Variants in COX18 observed in about 807,000 individuals in gnomAD.
COX18 encodes cytochrome c oxidase assembly factor COX18, also known as cytochrome c oxidase assembly protein COX18, mitochondrial.
Under a neutral mutation model 38.0 loss-of-function variants are expected in COX18, and 45 were observed. The observed-to-expected ratio is 1.18, with a 90% confidence interval of 0.93 to 1.52. The LOEUF (loss-of-function observed/expected upper bound fraction) is 1.52, where lower values mean the gene tolerates loss of function less well. Among genes scored for constraint, COX18 ranks in the 40% most tolerant of loss-of-function variants. COX18 has a pLI of 0.00. For synonymous variants in COX18, 177 were observed against 169.8 expected, an observed-to-expected ratio of 1.04 and a Z score of -0.33; for missense variants, 462 against 423.8, an observed-to-expected ratio of 1.09 and a Z score of -0.79.
intron 5 of COX18, among the ~76,000 whole-genome samples, chr4:73,061,606 G>A (rs947405650): frequency 2.6e-5 from 4 of 151,778 alleles, no homozygotes; most frequent in African/African-American, 7.3e-5. Context: ...TACTCAGGAC[G>A]CTGAGGCCGG....
chr4:73,056,204 A>G lies in COX18; in HGVS notation c.*1910T>C, dbSNP rs556357035. 8 of 152,262 alleles carry G rather than the reference A, an allele frequency of 5.3e-5. No homozygotes were observed. Among genetic ancestry groups the G allele is most frequent in the Non-Finnish European group, 8.8e-5 (6 of 68,050 alleles). The allele number at this position is 152,262 out of a possible 1,614,324, so 9.4% of individuals were successfully genotyped here. On this transcript the variant is annotated 3_prime_UTR_variant, in exon 6 of 6. Coordinates refer to ENST00000507544, the MANE Select transcript of COX18 (RefSeq NM_001297732.2). ...TTTATAGCCTTCTCAAATACCTGCC[A>G]TACTTGATATCTCAACCAGAGCTAA...
chr4:73,069,354 A>G lies in COX18; in HGVS notation c.296T>C (p.Leu99Pro). The G allele has an allele frequency of 6.4e-7, 1 of 1,552,756 alleles. No individual in the cohort carries two copies. The highest frequency in any genetic ancestry group is 8.7e-7 in the Non-Finnish European group (1 of 1,149,076). The change falls in exon 1 of 6, where the codon CTG (leucine) becomes CCG (proline). Residue 99 changes from leucine (L) to proline (P), a missense_variant. By Grantham distance (98) the Leu-to-Pro change is moderately conservative. Transcript: ENST00000507544. The stretch of plus-strand genomic sequence containing the variant: ...GTAGTGCTGGTAGGCTGCCAAAGGC[A>G]GCGTGACAGCACCCCGTAAGGCCAC... ...STVALRGAVT[L>P]PLAAYQHYIL...
At position 73,058,157 on chromosome 4, in the gene COX18, T is replaced by A. The variant is rs756702349; in HGVS notation, c.962A>T (p.Asp321Val). The A allele has an allele frequency of 6.2e-7, 1 of 1,609,074 alleles. No individual in the cohort carries two copies. Among genetic ancestry groups the A allele is most frequent in the Admixed American group, 1.7e-5 (1 of 59,064 alleles). Residue 321 changes from aspartate (D) to valine (V), a missense_variant, in exon 6 of 6, where the codon GAC becomes GTC. By Grantham distance (152) the Asp-to-Val change is radical. Transcript: ENST00000507544. ...CTTGGTATTAAAGGCAGCAAATATG[T>A]CTTTATAAGGAGTTTCTGAATCTGA... The part of the protein sequence containing the change: ...TKSDSETPYK[D>V]IFAAFNTKFI...
In COX18 at chr4:73,054,768, T is replaced by C. The variant is rs1719827881; in HGVS notation, c.*3346A>G. ...CTGGAGATAGGAAAAACCAAAGATGTTTTTTCCTACTTTCTTTTTTGTACA... is the reference window on the plus strand; with the variant it reads ...CTGGAGATAGGAAAAACCAAAGATGCTTTTTCCTACTTTCTTTTTTGTACA... On this transcript the variant is annotated 3_prime_UTR_variant, in exon 6 of 6. Coordinates refer to ENST00000507544, the MANE Select transcript of COX18 (RefSeq NM_001297732.2). The C allele has an allele frequency of 6.6e-6, 1 of 152,160 alleles. No homozygotes were observed. The highest frequency in any genetic ancestry group is 2.4e-5 in the African/African-American group (1 of 41,438). The allele number at this position is 152,160 out of a possible 1,614,324, so 9.4% of individuals were successfully genotyped here. A position where few individuals can be genotyped will look rare whatever the true frequency, so the allele number is the denominator to read the frequency against.
At chr4:73,066,280 C>A (rs946594783) in intron 2 of COX18, among the ~76,000 whole-genome samples, 1 of 152,150 alleles carries the variant, frequency 6.6e-6, no homozygotes, top group African/African-American at 2.4e-5. Context: ...ATCAGACTTC[C>A]GCATAGGCAT....
intron 2 of COX18, among the ~76,000 whole-genome samples, chr4:73,065,820 G>A (rs952628853): frequency 6.6e-6 from 1 of 152,060 alleles, no homozygotes; most frequent in African/African-American, 2.4e-5. Context: ...ATACCTTTTG[G>A]AGCTATGTGG....
Position 73,064,253 on chromosome 4 carries a change from C to CA in COX18, c.723+524dup, listed in dbSNP as rs769634143. 3.7e-3 allele frequency among the ~76,000 whole-genome samples: 547 copies of CA among 146,898 alleles called. 2 individuals are homozygous for CA. The highest frequency in any genetic ancestry group is 4.0e-3 in the Non-Finnish European group (262 of 66,224). On this transcript the variant is annotated intron_variant, in intron 4 of 5. Coordinates refer to ENST00000507544, the MANE Select transcript of COX18 (RefSeq NM_001297732.2). ...GGGCAACAAGAGCAAAACTCCATCT[C>CA]AAAAAAAAAAGAAAAAAAAAGACAT...
intron 4 of COX18, among the ~76,000 whole-genome samples, chr4:73,064,055 C>T (rs1010201969): frequency 9.2e-5 from 14 of 152,130 alleles, no homozygotes; most frequent in South Asian, 2.1e-4. Flanking sequence ...AAGGCCAAGG[C>T]GGGTGGATCA....
At chr4:73,058,631 G>A (rs1032528836) in intron 5 of COX18, among the ~76,000 whole-genome samples, 4 of 152,094 alleles carry the variant, frequency 2.6e-5, no homozygotes, top group African/African-American at 9.7e-5. Context: ...ACATACTGAA[G>A]GTAGAATGCT....
rs373940603 is a variant in COX18 at position 73,069,470 on chromosome 4, C to A, written c.180G>T (p.Ala60=). Residue 60 remains alanine (A), a synonymous_variant, in exon 1 of 6, where the codon GCG becomes GCT. Transcript: ENST00000507544. ...CCTCCGCAACCCGCACCGGCGAAGACGCGGCCAGGGCCTCGTACCAGCCGT... is the reference window on the plus strand; with the variant it reads ...CCTCCGCAACCCGCACCGGCGAAGAAGCGGCCAGGGCCTCGTACCAGCCGT... ...HANGWYEALA[A]SSPVRVAEEV... is the part of the protein sequence containing the mutation. 8 of 1,591,658 alleles carry A rather than the reference C, an allele frequency of 5.0e-6. No individual in the cohort carries two copies. The African/African-American group carries it at 6.7e-5, about 13-fold the overall frequency.
intron 2 of COX18, among the ~76,000 whole-genome samples, chr4:73,066,500 C>T (rs1720452778): frequency 6.6e-6 from 1 of 152,070 alleles, no homozygotes; most frequent in African/African-American, 2.4e-5. Context: ...TCAGCCTGCA[C>T]AACACAGGGA....
intron 5 of COX18, among the ~76,000 whole-genome samples, chr4:73,061,597 A>G (rs1171013056): frequency 6.6e-6 from 1 of 151,622 alleles, no homozygotes; most frequent in East Asian, 1.9e-4. Context: ...AGTCCCAGCT[A>G]CTCAGGACGC....
intron 4 of COX18, among the ~76,000 whole-genome samples, chr4:73,064,551 G>C (rs908960227): frequency 3.9e-5 from 6 of 152,194 alleles, no homozygotes; most frequent in Non-Finnish European, 5.9e-5. Context: ...AGCTGAAAGA[G>C]ACTTGGAAGT....
rs1442565459 is a variant in COX18, at chr4:73,054,856, T to TCCTGAAACTTTCTAGGGGCCCCCAG, written c.*3233_*3257dup. 5.3e-5 allele frequency: 8 copies of TCCTGAAACTTTCTAGGGGCCCCCAG among 152,232 alleles called. No individual in the cohort carries two copies. The highest frequency in any genetic ancestry group is 1.0e-4 in the Non-Finnish European group (7 of 68,064). 9.4% of individuals were successfully genotyped at this position (152,232 alleles called of 1,614,324 possible). A position where few individuals can be genotyped will look rare whatever the true frequency, so the allele number is the denominator to read the frequency against. On this transcript the variant is annotated 3_prime_UTR_variant, in exon 6 of 6. Transcript: ENST00000507544. ...CTCCTGGCCACAAGGATCTGCCCTA[T>TCCTGAAACTTTCTAGGGGCCCCCAG]CCTGAAACTTTCTAGGGGCCCCCAG...
At chr4:73,066,165 C>T (rs1187861564) in intron 2 of COX18, among the ~76,000 whole-genome samples, 1 of 152,214 alleles carries the variant, frequency 6.6e-6, no homozygotes, top group African/African-American at 2.4e-5. Context: ...CAAAGACATT[C>T]TAGGTCCTCC....
At chr4:73,067,864 A>AAAAAAAATAAATATATAT in intron 2 of COX18, among the ~76,000 whole-genome samples, 165 bp downstream of exon 2, 1 of 20,010 alleles carries the variant, frequency 5.0e-5, no homozygotes, top group Non-Finnish European at 1.6e-4. Context: ...AAAAAAAAAA[A>AAAAAAAATAAATATATAT]ATATATATAT....
chr4:73,061,800 G>A lies in COX18; in HGVS notation c.831+13C>T, dbSNP rs1667678494. The A allele has an allele frequency of 1.3e-6, 2 of 1,497,400 alleles. No individual in the cohort carries two copies. Among genetic ancestry groups the A allele is most frequent in the Admixed American group, 1.7e-5 (1 of 59,694 alleles). 92.8% of individuals were successfully genotyped at this position (1,497,400 alleles called of 1,614,324 possible). Reference sequence around the variant, plus strand: ...TTTAGCACATGCTACACACAATATTGGTGCTTACTCACTGAGGGTACCGTT... The same window carrying A: ...TTTAGCACATGCTACACACAATATTAGTGCTTACTCACTGAGGGTACCGTT... On this transcript the variant is annotated intron_variant, in intron 5 of 5. Transcript: ENST00000507544.
chr4:73,069,510 G>A lies in COX18; in HGVS notation c.140C>T (p.Ser47Phe), dbSNP rs1484910984. The change falls in exon 1 of 6, where the codon TCT becomes TTT. Residue 47 changes from serine (S) to phenylalanine (F), a missense_variant. Ser to Phe is a radical substitution (Grantham distance 155, BLOSUM62 -2). Transcript: ENST00000507544. Reference sequence around the variant, plus strand: ...GTACCAGCCGTTCGCATGTACTGCAGAGACTGGTGCCACTGCCCACACTGG... The same window carrying A: ...GTACCAGCCGTTCGCATGTACTGCAAAGACTGGTGCCACTGCCCACACTGG... ...TLPVWAVAPV[S>F]AVHANGWYEA... The A allele has an allele frequency of 5.0e-6, 8 of 1,589,278 alleles. No homozygotes were observed. Among genetic ancestry groups the A allele is most frequent in the Admixed American group, 1.8e-5 (1 of 56,056 alleles).
At chr4:73,066,465 A>T (rs958310815) in intron 2 of COX18, among the ~76,000 whole-genome samples, 2 of 152,144 alleles carry the variant, frequency 1.3e-5, no homozygotes, top group African/African-American at 4.8e-5. Context: ...AAGTGGGAGG[A>T]TTGCTTGAGG....
Sources: allele counts gnomAD v4.1 joint callset (sites outside exome capture counted in the v4.1 genomes callset), GRCh38; gene constraint gnomAD v4.1.1; transcripts MANE v1.5; gene names NCBI Gene and HGNC (gene_info 2026-07-23, HGNC 2026-07-21).